Variants in C10orf67 observed in about 807,000 individuals in gnomAD.
C10orf67 encodes uncharacterized protein C10orf67, mitochondrial.
In C10orf67, 60 loss-of-function variants were observed where a neutral mutation model predicts 35.6. The observed-to-expected ratio is 1.68, with a 90% CI of 1.37 to 2.09. The LOEUF is 2.09. Ranked by LOEUF, C10orf67 falls within the 30% of genes most tolerant of loss-of-function variation. The pLI, the probability that C10orf67 is intolerant of heterozygous loss-of-function variation, is 0.00. For missense variants in C10orf67, 474 were observed against 330.2 expected, an observed-to-expected ratio of 1.44 and a Z score of -3.38; for synonymous variants, 167 against 115.8, an observed-to-expected ratio of 1.44 and a Z score of -2.84.
intron 2 of C10orf67, among the ~76,000 whole-genome samples, chr10:23,332,129 G>A (rs1000572346): frequency 2.0e-5 from 3 of 152,124 alleles, no homozygotes; most frequent in African/African-American, 7.2e-5. Flanking sequence ...ATTCATCACA[G>A]TAAAATATTA....
At chr10:23,332,395 G>C (rs748824806) in intron 2 of C10orf67, among the ~76,000 whole-genome samples, 1 of 152,084 alleles carries the variant, frequency 6.6e-6, no homozygotes, top group Non-Finnish European at 1.5e-5. Flanking sequence ...AATCAAAAAA[G>C]ATCCAGGCCA....
Position 23,322,487 on chromosome 10 carries a change from C to T in C10orf67, c.378G>A (p.Gln126=), listed in dbSNP as rs1032324767. Residue 126 remains glutamine (Q), a synonymous_variant, in exon 3 of 16, where the codon CAG becomes CAA. Coordinates refer to ENST00000636213, the MANE Select transcript of C10orf67 (RefSeq NM_001371909.1). Reference sequence around the variant, plus strand: ...CTTTCAGTCGGTCCTCAAACTTCAACTGAAGCAATTGTTTGAGGAACCCAA... The same window carrying T: ...CTTTCAGTCGGTCCTCAAACTTCAATTGAAGCAATTGTTTGAGGAACCCAA... ...VDFGFLKQLL[Q]LKFEDRLKEE... 1.9e-6 allele frequency: 3 copies of T among 1,612,740 alleles called. No individual in the cohort carries two copies. Among genetic ancestry groups the T allele is most frequent in the Admixed American group, 1.7e-5 (1 of 59,974 alleles).
intron 1 of C10orf67, chr10:23,344,080 G>A (rs966522590): frequency 7.9e-6 from 2 of 251,800 alleles, no homozygotes; most frequent in Non-Finnish European, 1.7e-5. Flanking sequence ...CGTTGCCATG[G>A]CGACTCCCAG....
At chr10:23,338,596 GA>G (rs1845773111) in intron 1 of C10orf67, among the ~76,000 whole-genome samples, 1 of 152,086 alleles carries the variant, frequency 6.6e-6, no homozygotes, top group African/African-American at 2.4e-5. Flanking sequence ...TCCCATCAAG[GA>G]ACTCATTTCA....
intron 10 of C10orf67, among the ~76,000 whole-genome samples, chr10:23,262,791 G>T (rs1418443185): frequency 6.6e-6 from 1 of 151,996 alleles, no homozygotes; most frequent in African/African-American, 2.4e-5. Context: ...ATAAAATAAG[G>T]CAGAAGACAA....
chr10:23,209,134 G>C (rs1231542565), intron 15 of C10orf67, among the ~76,000 whole-genome samples: 1 of 152,136 alleles, frequency 6.6e-6, no homozygotes, highest in African/African-American at 2.4e-5. Context: ...ATATGGGAGA[G>C]GGAGGGGTTA....
rs1236552675 is a variant in C10orf67, at chr10:23,344,670, C to T, written c.105G>A (p.Trp35Ter). ...SSLRGTFGTR[W>*]EAMKAKATEL... ...CGGTGGCCTTGGCTTTCATGGCCTC[C>T]CAGCGTGTGCCAAAGGTCCCCCTCA... is the stretch of plus-strand genomic sequence containing the variant. Residue 35 changes from tryptophan to a stop codon, truncating the protein, a stop_gained, in exon 1 of 16, where the codon TGG (tryptophan) becomes TGA (stop). Coordinates refer to ENST00000636213, the MANE Select transcript of C10orf67 (RefSeq NM_001371909.1). LOFTEE classifies it high-confidence loss of function. The T allele has an allele frequency of 1.3e-6, 2 of 1,579,050 alleles. No homozygotes were observed. Among genetic ancestry groups the T allele is most frequent in the Admixed American group, 3.7e-5 (2 of 54,400 alleles).
At chr10:23,230,093 T>G (rs1841866741) in intron 13 of C10orf67, among the ~76,000 whole-genome samples, 1 of 152,118 alleles carries the variant, frequency 6.6e-6, no homozygotes, top group African/African-American at 2.4e-5. Flanking sequence ...TCAGATAAGA[T>G]TTAGATATTA....
intron 10 of C10orf67, among the ~76,000 whole-genome samples, chr10:23,257,947 A>G (rs990585588): frequency 2.6e-5 from 4 of 152,134 alleles, no homozygotes; most frequent in African/African-American, 9.7e-5. Context: ...ACATATGTGT[A>G]TGGGTGTGTG....
At chr10:23,238,122 C>G (rs1302889684) in intron 13 of C10orf67, among the ~76,000 whole-genome samples, 2 of 152,118 alleles carry the variant, frequency 1.3e-5, no homozygotes, top group South Asian at 2.1e-4. Context: ...GTCTGTGAAG[C>G]AAAGAGCCAT....
At chr10:23,220,393 C>T (rs754312068) in intron 15 of C10orf67, among the ~76,000 whole-genome samples, 2 of 152,020 alleles carry the variant, frequency 1.3e-5, no homozygotes, top group African/African-American at 2.4e-5. Context: ...GTGGGGTTGC[C>T]GTGTCTGTTT....
At chr10:23,308,347 G>C (rs915536131) in intron 4 of C10orf67, among the ~76,000 whole-genome samples, 6 of 152,076 alleles carry the variant, frequency 3.9e-5, no homozygotes, top group African/African-American at 1.4e-4. Context: ...TCATCCAGTA[G>C]CCAAATAACC....
At position 23,344,696 on chromosome 10, in the gene C10orf67, AG is replaced by A; in HGVS notation, c.78del (p.Leu27Ter). The A allele has an allele frequency of 6.3e-7, 1 of 1,575,482 alleles. No individual in the cohort carries two copies. Among genetic ancestry groups the A allele is most frequent in the South Asian group, 1.2e-5 (1 of 85,560 alleles). ...VIRWVHCFSS[S>X]LRGTFGTRWE... ...CAGCGTGTGCCAAAGGTCCCCCTCA[AG>A]GAGGAGGAAAAGCAGTGAACCCATC... On this transcript the variant is annotated frameshift_variant, in exon 1 of 16. Coordinates refer to ENST00000636213, the MANE Select transcript of C10orf67 (RefSeq NM_001371909.1). LOFTEE classifies it high-confidence loss of function.
intron 12 of C10orf67, among the ~76,000 whole-genome samples, chr10:23,249,539 C>A (rs188839447): frequency 6.2e-4 from 95 of 152,280 alleles, no homozygotes; most frequent in African/African-American, 2.1e-3. Flanking sequence ...GCCCTGAATC[C>A]TCTGTTTTTT....
chr10:23,320,111 G>A (rs964995418), intron 4 of C10orf67, among the ~76,000 whole-genome samples: 1 of 152,174 alleles, frequency 6.6e-6, no homozygotes, highest in Non-Finnish European at 1.5e-5. Flanking sequence ...GGCATGGAAC[G>A]GAGATACTTC....
chr10:23,284,132 G>A (rs1843455351), intron 7 of C10orf67, among the ~76,000 whole-genome samples: 1 of 135,412 alleles, frequency 7.4e-6, no homozygotes, highest in African/African-American at 2.6e-5. Flanking sequence ...AAAAAAAAAG[G>A]GTGGGGGGAA....
In C10orf67 at chr10:23,248,470, T is replaced by G. The variant is rs188619962; in HGVS notation, c.1346+1985A>C. ...CAGAGATGGAAAAGGAGCTTGGAAA[T>G]GAAGCCCTGAATTGGACTGGGACCC... On this transcript the variant is annotated intron_variant, in intron 12 of 15. Transcript: ENST00000636213. 7.4e-4 allele frequency among the ~76,000 whole-genome samples: 113 copies of G among 152,284 alleles called. 2 individuals are homozygous for G. The highest frequency in any genetic ancestry group is 2.9e-3 in the Admixed American group (45 of 15,292).
At chr10:23,334,729 G>A (rs746373590) in intron 1 of C10orf67, among the ~76,000 whole-genome samples, 4 of 152,188 alleles carry the variant, frequency 2.6e-5, no homozygotes, top group African/African-American at 2.4e-5. Flanking sequence ...GGTCTGTTGG[G>A]GGCTAGTAAG....
At chr10:23,250,545 A>C (rs907777276) in intron 11 of C10orf67, 25 bp from the exon 12 acceptor site, 3 of 398,500 alleles carry the variant, frequency 7.5e-6, no homozygotes, top group African/African-American at 6.2e-5. Context: ...CAGATGGTTA[A>C]ATATTGTATT....
Sources: allele counts gnomAD v4.1 joint callset (sites outside exome capture counted in the v4.1 genomes callset), GRCh38; gene constraint gnomAD v4.1.1; transcripts MANE v1.5; gene names NCBI Gene and HGNC (gene_info 2026-07-23, HGNC 2026-07-21).